Variants in FRMD6 observed in about 807,000 individuals in gnomAD.
The protein encoded by FRMD6 is FERM domain containing 6.
In FRMD6, 37 loss-of-function variants were observed where a neutral mutation model predicts 73.2. The observed-to-expected ratio is 0.51, with a 90% confidence interval of 0.39 to 0.66. FRMD6 has a LOEUF of 0.66. FRMD6 is among the 30% of genes least tolerant of loss of function. FRMD6 has a pLI of 0.00. For missense variants in FRMD6, 714 were observed against 780.5 expected (o/e 0.91, Z 1.02); for synonymous variants, 273 against 282.2 (o/e 0.97, Z 0.33).
chr14:51,477,722 C>T, the FRMD6 span, among the ~76,000 whole-genome samples: 168 of 127,500 alleles, frequency 1.3e-3, no homozygotes, highest in African/African-American at 4.9e-3. Context: ...TTCTTTCTTT[C>T]TTTCTTTTCT....
chr14:51,490,618 G>T (rs945450431), intron 1 of FRMD6, among the ~76,000 whole-genome samples: 1 of 150,914 alleles, frequency 6.6e-6, no homozygotes, highest in Non-Finnish European at 1.5e-5. Flanking sequence ...TGTGTATTTT[G>T]TGTGTGTGTG....
chr14:51,452,215 A>G, the FRMD6 span, among the ~76,000 whole-genome samples: 1 of 152,256 alleles, frequency 6.6e-6, no homozygotes, highest in Non-Finnish European at 1.5e-5. Flanking sequence ...AGGAAATTAA[A>G]TTAGCTGGAC....
the FRMD6 span, among the ~76,000 whole-genome samples, chr14:51,418,395 C>G: frequency 6.6e-6 from 1 of 152,170 alleles, no homozygotes; most frequent in African/African-American, 2.4e-5. Flanking sequence ...TGTTAGTTTT[C>G]CTTCCAGCAC....
At chr14:51,663,442 A>G (rs1299740672) in intron 1 of FRMD6, among the ~76,000 whole-genome samples, 1 of 152,256 alleles carries the variant, frequency 6.6e-6, no homozygotes, top group Non-Finnish European at 1.5e-5. Flanking sequence ...CATAAAAAAG[A>G]ATGCGATCAT....
chr14:51,649,634 A>C (rs1394838445), upstream of FRMD6: 2 of 152,202 alleles, frequency 1.3e-5, no homozygotes, highest in East Asian at 3.8e-4. Context: ...TACAATATGC[A>C]CTCATTCTGA....
chr14:51,422,187 T>G, the FRMD6 span, among the ~76,000 whole-genome samples: 1 of 152,180 alleles, frequency 6.6e-6, no homozygotes, highest in African/African-American at 2.4e-5. Context: ...CTGAATTAAT[T>G]CAGGGTGTAT....
At chr14:51,636,367 G>A (rs965683327) in intron 2 of FRMD6, among the ~76,000 whole-genome samples, 1 of 152,198 alleles carries the variant, frequency 6.6e-6, no homozygotes, top group African/African-American at 2.4e-5. Context: ...GCATCCAATG[G>A]AGTTGCTTTA....
At chr14:51,407,599 G>A in the FRMD6 span, among the ~76,000 whole-genome samples, 3 of 151,528 alleles carry the variant, frequency 2.0e-5, no homozygotes, top group African/African-American at 7.3e-5. Flanking sequence ...CATTAAAAAA[G>A]GAATTTGTCA....
At chr14:51,654,119 C>T (rs1892639983) in intron 1 of FRMD6, among the ~76,000 whole-genome samples, 1 of 152,074 alleles carries the variant, frequency 6.6e-6, no homozygotes, top group Non-Finnish European at 1.5e-5. Flanking sequence ...GGGTAAGCTG[C>T]TAGTTTTAAG....
At chr14:51,618,037 A>G (rs553375738) in intron 2 of FRMD6, among the ~76,000 whole-genome samples, 16 of 152,270 alleles carry the variant, frequency 1.1e-4, no homozygotes, top group Middle Eastern at 3.4e-3. Flanking sequence ...TCTATGAGTG[A>G]AGTTAGGCAT....
At chr14:51,704,512 T>C (rs992282696) in intron 5 of FRMD6, 3 of 468,156 alleles carry the variant, frequency 6.4e-6, no homozygotes, top group African/African-American at 5.8e-5. Context: ...GCTGTAAGCC[T>C]TAGGAAACGT....
intron 2 of FRMD6, among the ~76,000 whole-genome samples, chr14:51,636,499 G>T (rs548851786): frequency 6.6e-6 from 1 of 152,300 alleles, no homozygotes; most frequent in South Asian, 2.1e-4. Context: ...GAGGAAAGGA[G>T]CCCTGTGAAA....
chr14:51,418,131 CAGCCTTCTGA>C, the FRMD6 span, among the ~76,000 whole-genome samples: 1 of 152,082 alleles, frequency 6.6e-6, no homozygotes, highest in East Asian at 1.9e-4. Context: ...TTGTTATTAC[CAGCCTTCTGA>C]AGCCTACTCC....
the FRMD6 span, among the ~76,000 whole-genome samples, chr14:51,482,501 G>A: frequency 6.6e-6 from 1 of 152,210 alleles, no homozygotes; most frequent in South Asian, 2.1e-4. Flanking sequence ...AGTCGGCATT[G>A]TGCATTTTAC....
chr14:51,416,073 A>G, the FRMD6 span, among the ~76,000 whole-genome samples: 14 of 152,210 alleles, frequency 9.2e-5, no homozygotes, highest in African/African-American at 2.4e-4. Flanking sequence ...CTAGTAATCT[A>G]TCAATTTTGT....
chr14:51,526,585 C>G (rs552927074), intron 1 of FRMD6, among the ~76,000 whole-genome samples: 1 of 152,186 alleles, frequency 6.6e-6, no homozygotes, highest in Admixed American at 6.5e-5. Flanking sequence ...TAATAATGCT[C>G]TTTTCACCTT....
intron 1 of FRMD6, among the ~76,000 whole-genome samples, chr14:51,666,242 T>G (rs1415981841): frequency 1.3e-5 from 2 of 152,248 alleles, no homozygotes; most frequent in Admixed American, 1.3e-4. Context: ...ATTTCCCTAG[T>G]TCTGTCACAT....
chr14:51,642,278 G>A (rs377695473), intron 2 of FRMD6, among the ~76,000 whole-genome samples: 1 of 152,078 alleles, frequency 6.6e-6, no homozygotes, highest in Non-Finnish European at 1.5e-5. Context: ...GGTGGCTCAC[G>A]CTTGTAATCC....
chr14:51,669,447 T>C (rs961260029), intron 1 of FRMD6, among the ~76,000 whole-genome samples: 2 of 152,234 alleles, frequency 1.3e-5, no homozygotes, highest in Admixed American at 6.5e-5. Context: ...ATTTTCAAAG[T>C]GGCTGTATTA....
Sources: allele counts gnomAD v4.1 joint callset (sites outside exome capture counted in the v4.1 genomes callset), GRCh38; gene constraint gnomAD v4.1.1; transcripts MANE v1.5; gene names NCBI Gene and HGNC (gene_info 2026-07-23, HGNC 2026-07-21).